Variants in SRGAP1 observed in about 807,000 individuals in gnomAD.
SRGAP1 encodes the protein SLIT-ROBO Rho GTPase-activating protein 1.
A neutral mutation model predicts 121.9 loss-of-function variants in SRGAP1; 43 were observed. The ratio of observed to expected loss-of-function variants is 0.35; its 90% CI spans 0.28 to 0.46. SRGAP1 has a LOEUF of 0.46. Ranked by LOEUF, SRGAP1 falls within the 20% of genes least tolerant of loss-of-function variation. SRGAP1 has a pLI of 1.00. For missense variants in SRGAP1, 1,102 were observed against 1,350.9 expected (o/e 0.82, Z 2.89); for synonymous variants, 447 against 485.4 (o/e 0.92, Z 1.04).
At chr12:63,900,206 T>TTTTTTTC (rs1555236576) in intron 1 of SRGAP1, among the ~76,000 whole-genome samples, 5,644 of 84,880 alleles carry the variant, frequency 0.066, 251 homozygotes, top group Middle Eastern at 0.14. Flanking sequence ...TTCTTTTTCT[T>TTTTTTTC]TTTTTTTTTT....
At position 64,120,293 on chromosome 12, in the gene SRGAP1, G is replaced by A. The variant is rs141171585; in HGVS notation, c.2224+4400G>A. ...TTTGTACAGATTTCTTGGAACTTTAGGCTCAGTGGAAGGTAGATTCTTCCA... is the reference window on the plus strand; with the variant it reads ...TTTGTACAGATTTCTTGGAACTTTAAGCTCAGTGGAAGGTAGATTCTTCCA... On this transcript the variant is annotated intron_variant, in intron 18 of 21. Transcript: ENST00000355086. 4 of 152,160 alleles carry A rather than the reference G, an allele frequency of 2.6e-5. No homozygotes were observed. In the East Asian group the frequency reaches 5.8e-4, roughly 22 times the overall value. 9.4% of individuals were successfully genotyped at this position (152,160 alleles called of 1,614,324 possible).
chr12:63,975,880 G>A (rs1333150685), intron 1 of SRGAP1, among the ~76,000 whole-genome samples: 5 of 152,124 alleles, frequency 3.3e-5, no homozygotes, highest in Admixed American at 3.3e-4. Flanking sequence ...ATTCTTGTGA[G>A]GGTTTTTGTT....
intron 1 of SRGAP1, among the ~76,000 whole-genome samples, chr12:63,920,803 C>T (rs1379617747): frequency 2.6e-5 from 4 of 152,092 alleles, no homozygotes; most frequent in African/African-American, 9.7e-5. Context: ...GGATAATATC[C>T]TGGTTTGGGA....
chr12:64,007,722 G>A (rs2034128418), intron 3 of SRGAP1, among the ~76,000 whole-genome samples: 2 of 152,176 alleles, frequency 1.3e-5, no homozygotes, highest in South Asian at 4.1e-4. Flanking sequence ...AACTTAAGTA[G>A]AGACAGGTTT....
At chr12:63,972,310 A>T (rs1379481433) in intron 1 of SRGAP1, among the ~76,000 whole-genome samples, 1 of 152,236 alleles carries the variant, frequency 6.6e-6, no homozygotes, top group Non-Finnish European at 1.5e-5. Flanking sequence ...AATAAAATAT[A>T]CTTTTATTTC....
intron 1 of SRGAP1, among the ~76,000 whole-genome samples, chr12:63,968,929 T>G (rs2032859157): frequency 6.6e-6 from 1 of 152,168 alleles, no homozygotes; most frequent in Non-Finnish European, 1.5e-5. Flanking sequence ...TTCAGACAGC[T>G]TTCTGAATGC....
chr12:64,015,854 T>C (rs1043613730), intron 3 of SRGAP1, among the ~76,000 whole-genome samples: 8 of 152,244 alleles, frequency 5.3e-5, no homozygotes, highest in Non-Finnish European at 1.2e-4. Context: ...GATTAAGCTA[T>C]GCTACACATT....
intron 8 of SRGAP1, among the ~76,000 whole-genome samples, chr12:64,076,803 G>A (rs1382661624): frequency 2.6e-5 from 4 of 151,714 alleles, no homozygotes; most frequent in African/African-American, 7.3e-5. Flanking sequence ...ATACCACCAC[G>A]CCCAGCTATT....
At chr12:64,041,371 A>ATTTT (rs2035018154) in intron 4 of SRGAP1, among the ~76,000 whole-genome samples, 3 of 136,028 alleles carry the variant, frequency 2.2e-5, no homozygotes, top group Non-Finnish European at 4.7e-5. Context: ...TTATTTATTT[A>ATTTT]TTTATTTATT....
chr12:64,069,350 C>T (rs12309038), intron 8 of SRGAP1, among the ~76,000 whole-genome samples: 23,932 of 152,204 alleles, frequency 0.16, 2,427 homozygotes, highest in South Asian at 0.32. Context: ...TAATTAAATA[C>T]GTGGTTGGTG....
intron 1 of SRGAP1, among the ~76,000 whole-genome samples, chr12:63,934,907 A>G (rs906828590): frequency 1.3e-5 from 2 of 152,194 alleles, no homozygotes; most frequent in African/African-American, 4.8e-5. Context: ...CGTGTGTTTC[A>G]ATGTAGACAT....
At chr12:63,905,427 C>G (rs1305937213) in intron 1 of SRGAP1, among the ~76,000 whole-genome samples, 2 of 152,300 alleles carry the variant, frequency 1.3e-5, no homozygotes, top group East Asian at 3.9e-4. Context: ...GATGGTCCAA[C>G]TATCTGAACT....
intron 4 of SRGAP1, among the ~76,000 whole-genome samples, chr12:64,038,011 G>GT (rs2034935878): frequency 6.6e-6 from 1 of 152,140 alleles, no homozygotes; most frequent in South Asian, 2.1e-4. Flanking sequence ...AGGTTATGGC[G>GT]TAGCAGTCCC....
chr12:64,133,040 T>G (rs926236830), intron 21 of SRGAP1, among the ~76,000 whole-genome samples: 2 of 152,200 alleles, frequency 1.3e-5, no homozygotes, highest in Non-Finnish European at 2.9e-5. Context: ...ACCACTTGGT[T>G]AAGCTTACAA....
intron 1 of SRGAP1, among the ~76,000 whole-genome samples, chr12:63,955,296 G>A (rs949365546): frequency 1.6e-4 from 25 of 152,116 alleles, no homozygotes; most frequent in Non-Finnish European, 3.2e-4. Flanking sequence ...TCCAGCCTGG[G>A]TGACAGAGTG....
At chr12:64,041,603 A>T (rs1261851083) in intron 4 of SRGAP1, among the ~76,000 whole-genome samples, 1 of 151,636 alleles carries the variant, frequency 6.6e-6, no homozygotes, top group Non-Finnish European at 1.5e-5. Context: ...GCGGGTCTCA[A>T]ACTCTTAGTT....
chr12:64,141,272 T>TAAA (rs977006357), intron 21 of SRGAP1, among the ~76,000 whole-genome samples: 49 of 48,118 alleles, frequency 1.0e-3, no homozygotes, highest in South Asian at 1.8e-3. Context: ...TAAAGTATAA[T>TAAA]AAAAAAAAAA....
At chr12:64,032,535 G>A (rs1009269527) in intron 4 of SRGAP1, 20 of 1,167,468 alleles carry the variant, frequency 1.7e-5, no homozygotes, top group Middle Eastern at 2.0e-4. Flanking sequence ...AGCACAGAGT[G>A]ACCCAAGGCA....
At chr12:64,078,045 A>T (rs2035769751) in intron 8 of SRGAP1, among the ~76,000 whole-genome samples, 1 of 152,196 alleles carries the variant, frequency 6.6e-6, no homozygotes, top group African/African-American at 2.4e-5. Context: ...AACCACAGTG[A>T]GATACCACTG....
Sources: allele counts gnomAD v4.1 joint callset (sites outside exome capture counted in the v4.1 genomes callset), GRCh38; gene constraint gnomAD v4.1.1; transcripts MANE v1.5; gene names NCBI Gene and HGNC (gene_info 2026-07-23, HGNC 2026-07-21).